TICRR: variants seen among roughly 807,000 people sequenced by gnomAD.
TICRR encodes TOPBP1 interacting checkpoint and replication regulator.
Under a neutral mutation model 178.1 loss-of-function variants are expected in TICRR, and 132 were observed. The observed-to-expected ratio is 0.74, with a 90% CI of 0.64 to 0.86. The LOEUF is 0.86. Among genes scored for constraint, TICRR ranks in the 40% least tolerant of loss-of-function variants. The pLI, the probability that TICRR is intolerant of heterozygous loss-of-function variation, is 0.00. For missense variants in TICRR, 2,587 were observed against 2,334.3 expected, an observed-to-expected ratio of 1.11 and a Z score of -2.23; for synonymous variants, 991 against 900.7, an observed-to-expected ratio of 1.10 and a Z score of -1.79.
intron 1 of TICRR, among the ~76,000 whole-genome samples, chr15:89,577,257 TGC>T (rs1962639860): frequency 4.1e-3 from 1 of 246 alleles, no homozygotes. Flanking sequence ...AGTACATTCT[TGC>T]GTACATTCTT....
At chr15:89,589,308 A>G (rs1962871976) in intron 4 of TICRR, among the ~76,000 whole-genome samples, 1 of 151,976 alleles carries the variant, frequency 6.6e-6, no homozygotes, top group African/African-American at 2.4e-5. Context: ...TGAACCTGTG[A>G]GTTTGGGGGG....
chr15:89,604,059 A>C (rs1342614734), intron 13 of TICRR, among the ~76,000 whole-genome samples: 1 of 152,172 alleles, frequency 6.6e-6, no homozygotes, highest in Non-Finnish European at 1.5e-5. Context: ...ACCTAGCTGG[A>C]ATCTGTTTAC....
At chr15:89,577,599 CTTTTTTTTTTT>C (rs71151513) in intron 1 of TICRR, among the ~76,000 whole-genome samples, 7 of 60,872 alleles carry the variant, frequency 1.1e-4, no homozygotes, top group Middle Eastern at 0.024. Context: ...GAGGGAAGGC[CTTTTTTTTTTT>C]TTTTTTTTTT....
intron 15 of TICRR, among the ~76,000 whole-genome samples, chr15:89,616,194 A>T (rs1056303028): frequency 6.6e-6 from 1 of 152,108 alleles, no homozygotes; most frequent in Non-Finnish European, 1.5e-5. Context: ...CTATATTTAC[A>T]TTGTCTTATG....
chr15:89,606,957 A>C, intron 14 of TICRR, 132 bp downstream of exon 14: 1 of 654,640 alleles, frequency 1.5e-6, no homozygotes, highest in Middle Eastern at 2.7e-4. Context: ...AATATGTCCA[A>C]ATACCATGGA....
rs1963361669 is a variant in TICRR at position 89,617,920 on chromosome 15, G to C, written c.2961-232G>C. The C allele has an allele frequency of 3.4e-5, 17 of 500,316 alleles. No individual in the cohort carries two copies. In the East Asian group the frequency reaches 5.7e-4, roughly 17 times the overall value. 31.0% of individuals were successfully genotyped at this position (500,316 alleles called of 1,614,324 possible). On this transcript the variant is annotated intron_variant, in intron 16 of 21. Coordinates refer to ENST00000268138, the MANE Select transcript of TICRR (RefSeq NM_152259.4). The stretch of plus-strand genomic sequence containing the variant: ...TTGGCCAGACTGGTCTCGAACTCCT[G>C]ACCTCAAGTGATCCGCCCGCCTTAG...
Position 89,598,151 on chromosome 15 carries a change from T to G in TICRR, c.1901-1173T>G, listed in dbSNP as rs71410505. Among the ~76,000 whole-genome samples the G allele has an allele frequency of 1.3e-3, 193 of 151,084 alleles. 3 individuals carry two copies. Among genetic ancestry groups the G allele is most frequent in the South Asian group, 5.2e-3 (25 of 4,800 alleles). On this transcript the variant is annotated intron_variant, in intron 7 of 21. Transcript: ENST00000268138. ...TTTTGTTTGTTTGTTTGTTTGTTTT[T>G]TTTAGTAGAGATGGGGTTTCACCGT...
intron 1 of TICRR, among the ~76,000 whole-genome samples, chr15:89,578,487 C>T (rs1962664340): frequency 6.6e-6 from 1 of 152,052 alleles, no homozygotes; most frequent in African/African-American, 2.4e-5. Context: ...GCCAGTCAAG[C>T]CTTAGACACA....
chr15:89,583,405 A>G (rs1962765725), intron 2 of TICRR, among the ~76,000 whole-genome samples: 1 of 152,212 alleles, frequency 6.6e-6, no homozygotes, highest in African/African-American at 2.4e-5. Flanking sequence ...TGGAATCTTC[A>G]TTACATTAGT....
chr15:89,575,838 C>G lies in TICRR; in HGVS notation c.252C>G (p.Leu84=), dbSNP rs556549165. Residue 84 remains leucine (L), a synonymous_variant, in exon 1 of 22, where the codon CTC becomes CTG. Coordinates refer to ENST00000268138, the MANE Select transcript of TICRR (RefSeq NM_152259.4). The part of the protein sequence containing the change: ...EDFEEELEAR[L]EDRAHLPGPA... The stretch of plus-strand genomic sequence containing the variant: ...TTGAGGAGGAGCTGGAGGCCAGGCT[C>G]GAGGATCGCGCCCACCTGCCCGGCC... 75 of 1,589,842 alleles carry G rather than the reference C, an allele frequency of 4.7e-5. No individual in the cohort carries two copies. Among genetic ancestry groups the G allele is most frequent in the Middle Eastern group, 1.7e-4 (1 of 5,912 alleles).
At chr15:89,625,858 G>C (rs878967626) in intron 20 of TICRR, 72 bp downstream of exon 20, 1 of 1,544,990 alleles carries the variant, frequency 6.5e-7, no homozygotes, top group Non-Finnish European at 8.7e-7. Context: ...GAGGCACTTG[G>C]GAGTTGCTTC....
rs750513492 is a variant in TICRR, at chr15:89,624,885, G to A, written c.4575G>A (p.Val1525=). ...PGSPLMPSRD[V]HCTTDGRQCQ... ...CTCCTCTGATGCCTTCCCGTGACGT[G>A]CACTGTACCACAGATGGGAGACAGT... The change falls in exon 20 of 22, where the codon GTG becomes GTA. Residue 1525 remains valine (V), a synonymous_variant. Coordinates refer to ENST00000268138, the MANE Select transcript of TICRR (RefSeq NM_152259.4). 6.2e-7 allele frequency: 1 copy of A among 1,614,048 alleles called. No individual in the cohort carries two copies. The highest frequency in any genetic ancestry group is 8.5e-7 in the Non-Finnish European group (1 of 1,180,016).
intron 13 of TICRR, among the ~76,000 whole-genome samples, chr15:89,605,334 G>A (rs1488930381): frequency 1.3e-5 from 2 of 152,158 alleles, no homozygotes; most frequent in Non-Finnish European, 2.9e-5. Flanking sequence ...GTAGTTTACT[G>A]AACCCTGGAT....
intron 5 of TICRR, 127 bp from the exon 6 acceptor site, chr15:89,594,288 T>G (rs1008384446): frequency 7.0e-6 from 5 of 713,322 alleles, no homozygotes; most frequent in Non-Finnish European, 8.8e-6. Context: ...AATATATTTT[T>G]GAAGGCATCT....
At chr15:89,594,631 A>G in intron 6 of TICRR, 77 bp downstream of exon 6, 2 of 1,319,672 alleles carry the variant, frequency 1.5e-6, no homozygotes, top group Non-Finnish European at 2.0e-6. Flanking sequence ...CATTTCCTGA[A>G]ATGAGGTTGA....
In TICRR at chr15:89,626,078, G is replaced by A. The variant is rs776222709; in HGVS notation, c.5602+17G>A. 4.3e-6 allele frequency: 7 copies of A among 1,610,746 alleles called. No individual in the cohort carries two copies. Among genetic ancestry groups the A allele is most frequent in the Non-Finnish European group, 5.9e-6 (7 of 1,178,980 alleles). ...ACCCCAGAGGTAATGTTTGTTGAAG[G>A]TCTAGGACCCTTTCCTGTGACAGAC... On this transcript the variant is annotated intron_variant, in intron 21 of 21. Transcript: ENST00000268138.
chr15:89,581,608 G>A (rs1962726730), intron 1 of TICRR, among the ~76,000 whole-genome samples: 1 of 152,196 alleles, frequency 6.6e-6, no homozygotes. Flanking sequence ...GGCATGTTCA[G>A]GAAATAGCAA....
At chr15:89,607,189 AGAAAG>A (rs1331641835) in intron 14 of TICRR, among the ~76,000 whole-genome samples, 1 of 152,156 alleles carries the variant, frequency 6.6e-6, no homozygotes, top group South Asian at 2.1e-4. Flanking sequence ...AAAAAATACT[AGAAAG>A]GATATTACTG....
At chr15:89,604,814 T>G (rs1354859817) in intron 13 of TICRR, among the ~76,000 whole-genome samples, 2 of 150,392 alleles carry the variant, frequency 1.3e-5, no homozygotes, top group Non-Finnish European at 3.0e-5. Context: ...TGATTGTGGT[T>G]AGTAATGTTT....
Sources: allele counts gnomAD v4.1 joint callset (sites outside exome capture counted in the v4.1 genomes callset), GRCh38; gene constraint gnomAD v4.1.1; transcripts MANE v1.5; gene names NCBI Gene and HGNC (gene_info 2026-07-23, HGNC 2026-07-21).